CDK6: variants seen among roughly 807,000 people sequenced by gnomAD.
CDK6 encodes the protein cyclin dependent kinase 6.
Under a neutral mutation model 37.1 loss-of-function variants are expected in CDK6, and 6 were observed. The ratio of observed to expected loss-of-function variants is 0.16; its 90% CI spans 0.09 to 0.32. CDK6 has a LOEUF of 0.32. Ranked by LOEUF, CDK6 falls within the 10% of genes least tolerant of loss-of-function variation. The pLI is 1.00. For missense variants in CDK6, 224 were observed against 418.9 expected, an observed-to-expected ratio of 0.53 and a Z score of 4.06; for synonymous variants, 160 against 161.3, an observed-to-expected ratio of 0.99 and a Z score of 0.06.
intron 5 of CDK6, among the ~76,000 whole-genome samples, chr7:92,665,006 TG>T (rs1356532571): frequency 1.3e-5 from 2 of 152,084 alleles, no homozygotes; most frequent in Non-Finnish European, 2.9e-5. Flanking sequence ...AGGATGGTCT[TG>T]ATCTCCTGAC....
intron 3 of CDK6, among the ~76,000 whole-genome samples, chr7:92,751,505 A>G (rs1036002697): frequency 1.3e-5 from 2 of 152,194 alleles, no homozygotes; most frequent in Non-Finnish European, 2.9e-5. Flanking sequence ...CAATACAGCA[A>G]AAGTAACCAT....
At chr7:92,633,310 C>A (rs1200627964) in intron 5 of CDK6, among the ~76,000 whole-genome samples, 1 of 152,052 alleles carries the variant, frequency 6.6e-6, no homozygotes, top group Non-Finnish European at 1.5e-5. Context: ...GGAAACAGAG[C>A]CCACAACATT....
intron 5 of CDK6, among the ~76,000 whole-genome samples, chr7:92,659,985 A>C: frequency 6.6e-6 from 1 of 152,172 alleles, no homozygotes; most frequent in East Asian, 1.9e-4. Context: ...TATGCATAGG[A>C]AGGGAATCTA....
intron 4 of CDK6, among the ~76,000 whole-genome samples, chr7:92,679,709 G>C (rs1797288137): frequency 1.3e-5 from 2 of 152,082 alleles, no homozygotes; most frequent in African/African-American, 2.4e-5. Flanking sequence ...ACTTTTCACA[G>C]AGGTGCAAAA....
intron 4 of CDK6, among the ~76,000 whole-genome samples, chr7:92,720,256 C>T (rs1235906034): frequency 6.6e-6 from 1 of 152,022 alleles, no homozygotes; most frequent in Non-Finnish European, 1.5e-5. Flanking sequence ...CTCTAAATAC[C>T]CTTTGTAGAA....
rs1184764038 is a variant in CDK6 at position 92,606,870 on chromosome 7, C to G, written c.*8270G>C. ...CTACGTGAACCAATATTTTTCTTTT[C>G]TTAACACATACTGCTCTTCTATACC... On this transcript the variant is annotated 3_prime_UTR_variant, in exon 8 of 8. Transcript: ENST00000424848. 8.6e-6 allele frequency: 2 copies of G among 232,830 alleles called. No homozygotes were observed. The highest frequency in any genetic ancestry group is 2.2e-5 in the African/African-American group (1 of 45,324). 14.4% of individuals were successfully genotyped at this position (232,830 alleles called of 1,614,324 possible).
chr7:92,828,306 G>A (rs1238110341), intron 2 of CDK6, among the ~76,000 whole-genome samples: 1 of 151,934 alleles, frequency 6.6e-6, no homozygotes, highest in Non-Finnish European at 1.5e-5. Context: ...TTCATTCCTG[G>A]CAAACTGTCA....
rs1001633163 is a variant in CDK6 at position 92,606,814 on chromosome 7, C to T, written c.*8326G>A. 1 of 232,790 alleles carries T rather than the reference C, an allele frequency of 4.3e-6. No individual in the cohort carries two copies. Among genetic ancestry groups the T allele is most frequent in the African/African-American group, 2.2e-5 (1 of 45,322 alleles). 14.4% of individuals were successfully genotyped at this position (232,790 alleles called of 1,614,324 possible). A position where few individuals can be genotyped will look rare whatever the true frequency, so the allele number is the denominator to read the frequency against. On this transcript the variant is annotated 3_prime_UTR_variant, in exon 8 of 8. Transcript: ENST00000424848. The stretch of plus-strand genomic sequence containing the variant: ...CTTTAACACATCTCAAAATGATAAT[C>T]GTATAAAACTTTCTAGTTCTAATTT...
chr7:92,834,528 T>C lies in CDK6; in HGVS notation c.-367-838A>G. On this transcript the variant is annotated intron_variant, in intron 1 of 7. Transcript: ENST00000424848. This position sits in a 1 kb window ranked among gnomAD's most constrained non-coding sequence, Gnocchi z 4.6. Reference sequence around the variant, plus strand: ...AGGGGAGACACCGTCCCCCACGGGATCCCAAGGGTGGGAGAAAGGGGTGTT... The same window carrying C: ...AGGGGAGACACCGTCCCCCACGGGACCCCAAGGGTGGGAGAAAGGGGTGTT... Among the ~76,000 whole-genome samples, 1 of 151,696 alleles carries C rather than the reference T, an allele frequency of 6.6e-6. No individual in the cohort carries two copies. Among genetic ancestry groups the C allele is most frequent in the Non-Finnish European group, 1.5e-5 (1 of 67,912 alleles).
chr7:92,727,842 A>AAAT (rs1798549532), intron 3 of CDK6, among the ~76,000 whole-genome samples: 1 of 152,178 alleles, frequency 6.6e-6, no homozygotes, highest in Non-Finnish European at 1.5e-5. Context: ...AATAAACAGG[A>AAAT]GTGTGAAAAT....
chr7:92,704,774 T>TA (rs1797930787), intron 4 of CDK6, among the ~76,000 whole-genome samples: 2 of 152,234 alleles, frequency 1.3e-5, no homozygotes, highest in Non-Finnish European at 2.9e-5. Context: ...GTGTTGGTAT[T>TA]ACAAACAATG....
intron 2 of CDK6, among the ~76,000 whole-genome samples, chr7:92,830,444 T>C (rs976793767): frequency 1.6e-4 from 24 of 152,224 alleles, no homozygotes; most frequent in African/African-American, 5.8e-4. Context: ...AAGGTACTTA[T>C]AAAAGCATCT....
intron 5 of CDK6, among the ~76,000 whole-genome samples, chr7:92,663,433 G>A (rs763515178): frequency 6.6e-6 from 1 of 152,080 alleles, no homozygotes; most frequent in Admixed American, 6.5e-5. Flanking sequence ...GGCCAGGCAC[G>A]GTGCCTCATG....
At chr7:92,771,151 G>A (rs902751012) in intron 3 of CDK6, among the ~76,000 whole-genome samples, 8 of 151,386 alleles carry the variant, frequency 5.3e-5, no homozygotes, top group South Asian at 2.1e-4. Flanking sequence ...CAGGAGAATC[G>A]CTTGAACCTG....
intron 4 of CDK6, among the ~76,000 whole-genome samples, chr7:92,719,785 T>C (rs929435069): frequency 6.6e-6 from 1 of 152,198 alleles, no homozygotes; most frequent in East Asian, 1.9e-4. Context: ...GGTACACTTC[T>C]CTCTACCCAC....
intron 5 of CDK6, among the ~76,000 whole-genome samples, chr7:92,624,792 G>C (rs1264099203): frequency 6.6e-6 from 1 of 152,096 alleles, no homozygotes; most frequent in Admixed American, 6.6e-5. Context: ...ATCTGGCCTA[G>C]TGCCAAGTGC....
intron 4 of CDK6, among the ~76,000 whole-genome samples, chr7:92,687,019 G>C (rs977596370): frequency 6.6e-6 from 1 of 152,080 alleles, no homozygotes; most frequent in African/African-American, 2.4e-5. Context: ...GTAGATTCTG[G>C]ATATTAGTCC....
rs1221994090 is a variant in CDK6 at position 92,613,501 on chromosome 7, A to G, written c.*1639T>C. The stretch of plus-strand genomic sequence containing the variant: ...AAACCACTTATAAGGCAGAGATGGT[A>G]TGAAATATAAAGGACTGTAGAGAAA... On this transcript the variant is annotated 3_prime_UTR_variant, in exon 8 of 8. Transcript: ENST00000424848. 4.3e-6 allele frequency: 1 copy of G among 233,524 alleles called. No homozygotes were observed. Among genetic ancestry groups the G allele is most frequent in the African/African-American group, 2.2e-5 (1 of 45,358 alleles). The allele number at this position is 233,524 out of a possible 1,614,324, so 14.5% of individuals were successfully genotyped here. A position where few individuals can be genotyped will look rare whatever the true frequency, so the allele number is the denominator to read the frequency against.
rs905066118 is a variant in CDK6 at position 92,608,600 on chromosome 7, T to A, written c.*6540A>T. 2.2e-5 allele frequency: 5 copies of A among 231,792 alleles called. No homozygotes were observed. The highest frequency in any genetic ancestry group is 2.6e-5 in the Non-Finnish European group (3 of 117,360). The allele number at this position is 231,792 out of a possible 1,614,324, so 14.4% of individuals were successfully genotyped here. A position where few individuals can be genotyped will look rare whatever the true frequency, so the allele number is the denominator to read the frequency against. On this transcript the variant is annotated 3_prime_UTR_variant, in exon 8 of 8. Coordinates refer to ENST00000424848, the MANE Select transcript of CDK6 (RefSeq NM_001145306.2). Reference sequence around the variant, plus strand: ...AGCTTAGCGCCTGAGAGATGCGGGGTAGACAGCTTCACACAGGGCAGCTGC... The same window carrying A: ...AGCTTAGCGCCTGAGAGATGCGGGGAAGACAGCTTCACACAGGGCAGCTGC...
Sources: allele counts gnomAD v4.1 joint callset (sites outside exome capture counted in the v4.1 genomes callset), GRCh38; gene constraint gnomAD v4.1.1; non-coding constraint Gnocchi (gnomAD v3.1); transcripts MANE v1.5; gene names NCBI Gene and HGNC (gene_info 2026-07-23, HGNC 2026-07-21).